The following NOL4L variants were observed in gnomAD, a reference collection of about 807,000 sequenced individuals.
The protein encoded by NOL4L is nucleolar protein 4 like.
A neutral mutation model predicts 64.5 loss-of-function variants in NOL4L; 7 were observed. The observed-to-expected ratio is 0.11, with a 90% CI of 0.06 to 0.20. The LOEUF (loss-of-function observed/expected upper bound fraction) is 0.20, where lower values mean the gene tolerates loss of function less well. Ranked by LOEUF, NOL4L falls within the 10% of genes least tolerant of loss-of-function variation. The pLI is 1.00. For synonymous variants in NOL4L, 413 were observed against 401.0 expected, an observed-to-expected ratio of 1.03 and a Z score of -0.36; for missense variants, 680 against 967.1, an observed-to-expected ratio of 0.70 and a Z score of 3.94.
chr20:32,508,940 C>G (rs893533730), intron 4 of NOL4L, among the ~76,000 whole-genome samples: 6 of 152,192 alleles, frequency 3.9e-5, no homozygotes, highest in African/African-American at 7.2e-5. Flanking sequence ...CCTCAAATCT[C>G]TTGAAGGCTT....
intron 2 of NOL4L, among the ~76,000 whole-genome samples, chr20:32,527,105 T>G (rs1398875040): frequency 6.6e-6 from 1 of 152,172 alleles, no homozygotes; most frequent in East Asian, 1.9e-4. Flanking sequence ...TCCCCCGGGC[T>G]CATCTGTGTC....
chr20:32,473,236 C>G (rs1041336230), intron 5 of NOL4L, among the ~76,000 whole-genome samples: 1 of 152,212 alleles, frequency 6.6e-6, no homozygotes, highest in East Asian at 1.9e-4. Flanking sequence ...AGCCTGTGGC[C>G]CCAGCTGGGC....
At chr20:32,483,312 C>T in intron 4 of NOL4L, 2 of 957,948 alleles carry the variant, frequency 2.1e-6, no homozygotes, top group Non-Finnish European at 1.2e-6. Flanking sequence ...GGGCGGCGGC[C>T]CGGGCCCCGG....
At chr20:32,472,722 T>C (rs961898678) in intron 5 of NOL4L, among the ~76,000 whole-genome samples, 1 of 151,912 alleles carries the variant, frequency 6.6e-6, no homozygotes, top group Non-Finnish European at 1.5e-5. Flanking sequence ...TCCCAAGGCC[T>C]GTGCCCTGCC....
chr20:32,484,993 C>T (rs1178256899), intron 4 of NOL4L, among the ~76,000 whole-genome samples: 1 of 133,844 alleles, frequency 7.5e-6, no homozygotes, highest in Non-Finnish European at 1.5e-5. Flanking sequence ...AGATCAGCCT[C>T]GAAAAAAGCT....
At position 32,485,058 on chromosome 20, in the gene NOL4L, CAAAAAAAAAAAAA is replaced by C. The variant is rs57444583; in HGVS notation, c.700-10329_700-10317del. The stretch of plus-strand genomic sequence containing the variant: ...TCGTGGAATTCTGTGGGGAAATTGC[CAAAAAAAAAAAAA>C]AAAAAAAAAAAAAAAACAACTAAAA... On this transcript the variant is annotated intron_variant, in intron 4 of 10. Transcript: ENST00000621426. Among the ~76,000 whole-genome samples the C allele has an allele frequency of 8.1e-3, 145 of 17,816 alleles. 1 individual carries two copies. Among genetic ancestry groups the C allele is most frequent in the East Asian group, 0.021 (8 of 374 alleles). The allele number at this position is 17,816 out of a possible 152,430, so 11.7% of individuals were successfully genotyped here.
intron 1 of NOL4L, among the ~76,000 whole-genome samples, chr20:32,543,185 A>G (rs1259932242): frequency 6.6e-6 from 1 of 152,148 alleles, no homozygotes; most frequent in Admixed American, 6.5e-5. Context: ...CAGGGCAAGG[A>G]GTGGGGCTGC....
In NOL4L at chr20:32,474,609, T is replaced by C. The variant is rs770456266; in HGVS notation, c.833A>G (p.Gln278Arg). The C allele has an allele frequency of 2.5e-6, 4 of 1,612,190 alleles. No homozygotes were observed. The highest frequency in any genetic ancestry group is 2.2e-5 in the South Asian group (2 of 91,024). The change falls in exon 5 of 11, where the codon CAA becomes CGA. Residue 278 changes from glutamine (Q) to arginine (R), a missense_variant. Physicochemically the swap from Gln to Arg is conservative, Grantham distance 43. Transcript: ENST00000621426. ...RMRSPQNLHS[Q>R]EDDDSSSESG... ...CACCAAGGGGCACTCACCGTCCTCTTGACTGTGGAGGTTCTGCGGGCTCCG... is the reference window on the plus strand; with the variant it reads ...CACCAAGGGGCACTCACCGTCCTCTCGACTGTGGAGGTTCTGCGGGCTCCG...
At chr20:32,546,846 G>T (rs142755289) in intron 1 of NOL4L, among the ~76,000 whole-genome samples, 56 of 152,360 alleles carry the variant, frequency 3.7e-4, no homozygotes, top group Admixed American at 7.2e-4. Context: ...TGGGTCAGGA[G>T]CTCCCTGTGA....
chr20:32,481,520 CG>C (rs1176057939), intron 4 of NOL4L, among the ~76,000 whole-genome samples: 1 of 151,612 alleles, frequency 6.6e-6, no homozygotes, highest in Non-Finnish European at 1.5e-5. Context: ...TCCCCAAAGG[CG>C]TCTTCTCAGC....
At chr20:32,497,618 T>A (rs1228443761) in intron 4 of NOL4L, among the ~76,000 whole-genome samples, 1 of 152,148 alleles carries the variant, frequency 6.6e-6, no homozygotes, top group Non-Finnish European at 1.5e-5. Flanking sequence ...AGATCACGAA[T>A]CCCTTCTGGG....
chr20:32,555,587 T>C (rs1038718579), intron 1 of NOL4L, among the ~76,000 whole-genome samples: 4 of 151,910 alleles, frequency 2.6e-5, no homozygotes, highest in Admixed American at 1.3e-4. Flanking sequence ...GGAGTGATAA[T>C]GCACCTGGCC....
intron 6 of NOL4L, among the ~76,000 whole-genome samples, chr20:32,454,822 T>A (rs538844637): frequency 6.7e-4 from 102 of 152,302 alleles, no homozygotes; most frequent in Non-Finnish European, 2.9e-5. Flanking sequence ...TGTGGCAGCA[T>A]GGCCATGGCA....
At chr20:32,447,894 TC>T (rs907296438) in intron 10 of NOL4L, 78 bp from the exon 11 acceptor site, 136 of 1,497,094 alleles carry the variant, frequency 9.1e-5, no homozygotes, top group Admixed American at 1.6e-4. Flanking sequence ...CTTGGCACTG[TC>T]ATAACCTATG....
intron 1 of NOL4L, among the ~76,000 whole-genome samples, chr20:32,545,562 A>T (rs6119889): frequency 0.049 from 7,420 of 150,620 alleles, 574 homozygotes; most frequent in African/African-American, 0.17. Context: ...CCTTCCCCCG[A>T]CCCGCCCACA....
At chr20:32,576,206 T>C (rs184833297) in intron 1 of NOL4L, among the ~76,000 whole-genome samples, 3 of 152,114 alleles carry the variant, frequency 2.0e-5, no homozygotes, top group Non-Finnish European at 4.4e-5. Context: ...TTCCTCTGGC[T>C]GTTTGTGGGA....
At position 32,463,598 on chromosome 20, in the gene NOL4L, T is replaced by C. The variant is rs1334864837; in HGVS notation, c.842-7203A>G. 6.6e-6 allele frequency among the ~76,000 whole-genome samples: 1 copy of C among 152,220 alleles called. No individual in the cohort carries two copies. Among genetic ancestry groups the C allele is most frequent in the Non-Finnish European group, 1.5e-5 (1 of 68,034 alleles). The stretch of plus-strand genomic sequence containing the variant: ...GGGAAGGACTGCCGTGTCCGTCTAT[T>C]TGAACATGGGGCAATGTGCTGCTAT... On this transcript the variant is annotated intron_variant, in intron 5 of 10. Coordinates refer to ENST00000621426, the MANE Select transcript of NOL4L (RefSeq NM_001256798.2). The surrounding 1 kb of genome is among the most constrained non-coding windows in gnomAD (Gnocchi z 5.8).
At position 32,584,790 on chromosome 20, in the gene NOL4L, G is replaced by A; in HGVS notation, c.101C>T (p.Thr34Ile). The change falls in exon 1 of 11, where the codon ACC becomes ATC. Residue 34 changes from threonine to isoleucine, a missense_variant. By Grantham distance (89) the Thr-to-Ile change is moderately conservative. This residue lies in a region of NOL4L where 181 missense variants were observed against 335.2 expected (regional missense o/e 0.54). Transcript: ENST00000621426. Reference protein sequence around the residue: ...GRQFRDWCLRTYGDSAKTKTV... With the variant: ...GRQFRDWCLRIYGDSAKTKTV... ...CTTGGTTTTGGCCGAGTCGCCGTAG[G>A]TGCGCAAGCACCAGTCCCGGAACTG... 2 of 1,538,570 alleles carry A rather than the reference G, an allele frequency of 1.3e-6. No individual in the cohort carries two copies. Among genetic ancestry groups the A allele is most frequent in the Non-Finnish European group, 1.7e-6 (2 of 1,144,754 alleles).
intron 1 of NOL4L, among the ~76,000 whole-genome samples, chr20:32,548,128 A>G (rs2018754958): frequency 6.6e-6 from 1 of 152,226 alleles, no homozygotes; most frequent in Non-Finnish European, 1.5e-5. Context: ...CGTTTTACAG[A>G]TGAGGAAACT....
Sources: allele counts gnomAD v4.1 joint callset (sites outside exome capture counted in the v4.1 genomes callset), GRCh38; gene constraint gnomAD v4.1.1; regional missense constraint gnomAD v4.1.1; non-coding constraint Gnocchi (gnomAD v3.1); transcripts MANE v1.5; gene names NCBI Gene and HGNC (gene_info 2026-07-23, HGNC 2026-07-21).